The following SLC16A7 variants were observed in gnomAD, a reference collection of about 807,000 sequenced individuals.
SLC16A7 encodes solute carrier family 16 member 7.
Under a neutral mutation model 34.9 loss-of-function variants are expected in SLC16A7, and 33 were observed. The observed-to-expected ratio is 0.94, with a 90% CI of 0.72 to 1.26. The LOEUF is 1.26. SLC16A7 is among the 50% of genes most tolerant of loss of function. The pLI is 0.00. For missense variants in SLC16A7, 573 were observed against 578.1 expected (o/e 0.99, Z 0.09); for synonymous variants, 201 against 206.6 (o/e 0.97, Z 0.23).
At chr12:59,766,895 C>T (rs983472407) in intron 3 of SLC16A7, among the ~76,000 whole-genome samples, 1 of 152,038 alleles carries the variant, frequency 6.6e-6, no homozygotes, top group African/African-American at 2.4e-5. Context: ...GGAATAGCTT[C>T]AGAAGGAATG....
intron 1 of SLC16A7, among the ~76,000 whole-genome samples, chr12:59,633,370 A>T (rs923165309): frequency 2.0e-5 from 3 of 152,030 alleles, no homozygotes; most frequent in African/African-American, 7.2e-5. Context: ...TTCATATGAG[A>T]TCACAAAGCC....
At chr12:59,766,922 G>A (rs1384264979) in intron 3 of SLC16A7, among the ~76,000 whole-genome samples, 1 of 152,018 alleles carries the variant, frequency 6.6e-6, no homozygotes, top group East Asian at 1.9e-4. Context: ...GTTCCTCCTT[G>A]TACCTCTGGT....
chr12:59,683,615 G>A (rs1238695113), intron 2 of SLC16A7, among the ~76,000 whole-genome samples: 12 of 152,154 alleles, frequency 7.9e-5, no homozygotes, highest in African/African-American at 2.9e-4. Context: ...TTTCAGTGGG[G>A]TGCCCATTTG....
chr12:59,722,039 G>A (rs1365099364), intron 3 of SLC16A7, among the ~76,000 whole-genome samples: 1 of 151,696 alleles, frequency 6.6e-6, no homozygotes, highest in Non-Finnish European at 1.5e-5. Context: ...ATAGGCTGAT[G>A]CCTCCTAAAT....
chr12:59,780,070 A>AT lies in SLC16A7; in HGVS notation c.*397dup, dbSNP rs1344900197. 3 of 164,150 alleles carry AT rather than the reference A, an allele frequency of 1.8e-5. No individual in the cohort carries two copies. The highest frequency in any genetic ancestry group is 7.2e-5 in the African/African-American group (3 of 41,464). 10.2% of individuals were successfully genotyped at this position (164,150 alleles called of 1,614,324 possible). A position where few individuals can be genotyped will look rare whatever the true frequency, so the allele number is the denominator to read the frequency against. ...TACAAAGTGACCCTTTATACATTTC[A>AT]TTTTTTATTTGATATTAAAGTATGA... On this transcript the variant is annotated 3_prime_UTR_variant, in exon 6 of 6. Coordinates refer to ENST00000547379, the MANE Select transcript of SLC16A7 (RefSeq NM_001270623.2).
At chr12:59,609,692 A>G (rs1234477250) in intron 1 of SLC16A7, among the ~76,000 whole-genome samples, 2 of 152,178 alleles carry the variant, frequency 1.3e-5, no homozygotes, top group East Asian at 3.8e-4. Context: ...ATTGTTCTAC[A>G]TTTTATTAGG....
intron 3 of SLC16A7, among the ~76,000 whole-genome samples, chr12:59,711,717 T>A (rs1874248200): frequency 6.6e-6 from 1 of 152,130 alleles, no homozygotes; most frequent in Non-Finnish European, 1.5e-5. Context: ...GAGGTTTTAC[T>A]AGTCTCAAAC....
At chr12:59,773,614 G>A (rs1255451110) in intron 4 of SLC16A7, among the ~76,000 whole-genome samples, 7 of 148,800 alleles carry the variant, frequency 4.7e-5, no homozygotes, top group Non-Finnish European at 8.8e-5. Flanking sequence ...CGCCAGGCTG[G>A]AGTGCAGTGG....
intron 1 of SLC16A7, among the ~76,000 whole-genome samples, chr12:59,653,051 A>G (rs1342956362): frequency 6.6e-6 from 1 of 151,870 alleles, no homozygotes; most frequent in East Asian, 1.9e-4. Context: ...ATTGTTTTAC[A>G]TATTAGCCCA....
chr12:59,657,503 A>G (rs1868595835), intron 2 of SLC16A7, among the ~76,000 whole-genome samples: 1 of 151,994 alleles, frequency 6.6e-6, no homozygotes, highest in Admixed American at 6.6e-5. Flanking sequence ...AAAATACTTC[A>G]CAAGTGAGAA....
chr12:59,622,331 A>G (rs1403198752), intron 1 of SLC16A7, among the ~76,000 whole-genome samples: 1 of 151,908 alleles, frequency 6.6e-6, no homozygotes, highest in African/African-American at 2.4e-5. Context: ...AACTTGGTCA[A>G]ACATTTCAGT....
In SLC16A7 at chr12:59,704,851, G is replaced by A; in HGVS notation, c.50G>A (p.Gly17Glu). Residue 17 changes from glycine to glutamate, a missense_variant, in exon 3 of 6, where the codon GGA becomes GAA. Transcript: ENST00000547379. The part of the protein sequence containing the change: ...APPVHPPPDG[G>E]WGWIVVGAAF... Reference sequence around the variant, plus strand: ...CCTGTGCATCCACCTCCAGATGGAGGATGGGGTTGGATTGTGGTTGGAGCA... The same window carrying A: ...CCTGTGCATCCACCTCCAGATGGAGAATGGGGTTGGATTGTGGTTGGAGCA... 3 of 1,613,890 alleles carry A rather than the reference G, an allele frequency of 1.9e-6. No individual in the cohort carries two copies. The highest frequency in any genetic ancestry group is 2.5e-6 in the Non-Finnish European group (3 of 1,179,870).
intron 3 of SLC16A7, among the ~76,000 whole-genome samples, chr12:59,706,428 A>G (rs1323129775): frequency 6.6e-6 from 1 of 151,994 alleles, no homozygotes; most frequent in South Asian, 2.1e-4. Context: ...CTTTTTATAT[A>G]TAGTGACTTT....
chr12:59,674,905 T>C (rs1158471357), intron 2 of SLC16A7, among the ~76,000 whole-genome samples: 1 of 152,166 alleles, frequency 6.6e-6, no homozygotes, highest in African/African-American at 2.4e-5. Context: ...ATAGATCAAA[T>C]TCAAACATGC....
chr12:59,640,856 C>A (rs915996846), intron 1 of SLC16A7, among the ~76,000 whole-genome samples: 1 of 151,744 alleles, frequency 6.6e-6, no homozygotes, highest in African/African-American at 2.4e-5. Flanking sequence ...TGCCAAAGTT[C>A]CCTTAAGAAT....
chr12:59,684,442 G>GC (rs1298231133), intron 2 of SLC16A7, among the ~76,000 whole-genome samples: 1 of 152,178 alleles, frequency 6.6e-6, no homozygotes, highest in Non-Finnish European at 1.5e-5. Flanking sequence ...CTTCTAGTGA[G>GC]CAGGGTAGGA....
Position 59,781,765 on chromosome 12 carries a change from T to C in SLC16A7, c.*2086T>C, listed in dbSNP as rs1028589089. 1.3e-5 allele frequency: 2 copies of C among 152,394 alleles called. No homozygotes were observed. The highest frequency in any genetic ancestry group is 1.3e-4 in the Admixed American group (2 of 15,258). 9.4% of individuals were successfully genotyped at this position (152,394 alleles called of 1,614,324 possible). A position where few individuals can be genotyped will look rare whatever the true frequency, so the allele number is the denominator to read the frequency against. On this transcript the variant is annotated 3_prime_UTR_variant, in exon 6 of 6. Transcript: ENST00000547379. Reference sequence around the variant, plus strand: ...AAATTGTGTAGTACCTCTCCAATCATAAATTTTCAAAAAAAAATTCTACTT... The same window carrying C: ...AAATTGTGTAGTACCTCTCCAATCACAAATTTTCAAAAAAAAATTCTACTT...
At chr12:59,694,531 A>C (rs941508834) in intron 2 of SLC16A7, among the ~76,000 whole-genome samples, 2 of 151,806 alleles carry the variant, frequency 1.3e-5, no homozygotes, top group Non-Finnish European at 2.9e-5. Context: ...TTTGAAAAGA[A>C]CACAACATAA....
At chr12:59,756,737 C>A (rs1459189778) in intron 3 of SLC16A7, among the ~76,000 whole-genome samples, 2 of 134,586 alleles carry the variant, frequency 1.5e-5, no homozygotes, top group Non-Finnish European at 1.6e-5. Flanking sequence ...ACCATTTGAC[C>A]CAGCCATCCC....
Sources: gnomAD v4.1 joint callset for allele counts (sites outside exome capture counted in the v4.1 genomes callset) on GRCh38, gnomAD v4.1.1 for gene constraint, MANE v1.5 for transcripts, NCBI Gene and HGNC (gene_info 2026-07-23, HGNC 2026-07-21) for gene names.